UBE2Q1: variants seen among roughly 807,000 people sequenced by gnomAD.
The protein encoded by UBE2Q1 is ubiquitin-conjugating enzyme E2 Q1.
Under a neutral mutation model 60.1 loss-of-function variants are expected in UBE2Q1, and 6 were observed. The ratio of observed to expected loss-of-function variants is 0.10; its 90% CI spans 0.05 to 0.20. UBE2Q1 has a LOEUF of 0.20. UBE2Q1 is among the 10% of genes least tolerant of loss of function. The probability of loss-of-function intolerance (pLI) is 1.00; values close to 1 mark genes in which losing one functional copy is unlikely to be tolerated. For synonymous variants in UBE2Q1, 226 were observed against 208.3 expected (o/e 1.09, Z -0.73); for missense variants, 262 against 525.8 (o/e 0.50, Z 4.91).
Position 154,558,598 on chromosome 1 carries a change from G to A in UBE2Q1, c.-45C>T. ...CGGGGCCGGCGGGCCGGGAGCCTCCGGCCTGCGCTCCGGGCTCCGCCGCCG... is the reference window on the plus strand; with the variant it reads ...CGGGGCCGGCGGGCCGGGAGCCTCCAGCCTGCGCTCCGGGCTCCGCCGCCG... On this transcript the variant is annotated 5_prime_UTR_variant, in exon 1 of 13. Transcript: ENST00000292211. 13 of 1,007,018 alleles carry A rather than the reference G, an allele frequency of 1.3e-5. No individual in the cohort carries two copies. Among genetic ancestry groups the A allele is most frequent in the Non-Finnish European group, 1.5e-5 (13 of 851,694 alleles). 62.4% of individuals were successfully genotyped at this position (1,007,018 alleles called of 1,614,324 possible).
rs1349645127 is a variant in UBE2Q1 at position 154,549,332 on chromosome 1, C to G, written c.*1106G>C. The G allele has an allele frequency of 6.6e-6, 1 of 152,200 alleles. No individual in the cohort carries two copies. Among genetic ancestry groups the G allele is most frequent in the Non-Finnish European group, 1.5e-5 (1 of 68,044 alleles). The allele number at this position is 152,200 out of a possible 1,614,324, so 9.4% of individuals were successfully genotyped here. On this transcript the variant is annotated 3_prime_UTR_variant, in exon 13 of 13. Transcript: ENST00000292211. Reference sequence around the variant, plus strand: ...GAACAACCCCCCTTAAAATGCTAACCCTTTCTAGTAGGACCCACCTTGTGG... The same window carrying G: ...GAACAACCCCCCTTAAAATGCTAACGCTTTCTAGTAGGACCCACCTTGTGG...
rs372269665 is a variant in UBE2Q1 at position 154,558,299 on chromosome 1, G to T, written c.255C>A (p.Ala85=). Residue 85 remains alanine (A), a synonymous_variant, in exon 1 of 13, where the codon GCC becomes GCA. Transcript: ENST00000292211. ...LAGAGGAGAG[A]APGPHLPPRG... Reference sequence around the variant, plus strand: ...GTGGGGGGAGATGCGGTCCGGGCGCGGCCCCCGCCCCGGCCCCTCCGGCCC... The same window carrying T: ...GTGGGGGGAGATGCGGTCCGGGCGCTGCCCCCGCCCCGGCCCCTCCGGCCC... 1.2e-4 allele frequency: 195 copies of T among 1,583,346 alleles called. No homozygotes were observed. The African/African-American group carries it at 2.4e-3, about 19-fold the overall frequency.
chr1:154,554,546 G>A (rs1695849709), intron 4 of UBE2Q1, 189 bp downstream of exon 4: 1 of 572,744 alleles, frequency 1.7e-6, no homozygotes, highest in Non-Finnish European at 3.1e-6. Flanking sequence ...CGCTGCACCT[G>A]TCTTCAGTGG....
chr1:154,553,587 CG>C (rs1385848745), intron 4 of UBE2Q1: 1 of 163,890 alleles, frequency 6.1e-6, no homozygotes, highest in East Asian at 1.7e-4. Flanking sequence ...CTATTGCACC[CG>C]GGAGTTCTCA....
At chr1:154,555,361 A>T in intron 3 of UBE2Q1, 67 bp downstream of exon 3, 7 of 1,353,280 alleles carry the variant, frequency 5.2e-6, no homozygotes, top group Non-Finnish European at 7.4e-6. Context: ...GATTTGTCTC[A>T]ATTATTTACT....
rs1695760467 is a variant in UBE2Q1 at position 154,549,735 on chromosome 1, T to C, written c.*703A>G. The C allele has an allele frequency of 6.5e-6, 1 of 152,678 alleles. No individual in the cohort carries two copies. Among genetic ancestry groups the C allele is most frequent in the Non-Finnish European group, 1.5e-5 (1 of 68,058 alleles). 9.5% of individuals were successfully genotyped at this position (152,678 alleles called of 1,614,324 possible). On this transcript the variant is annotated 3_prime_UTR_variant, in exon 13 of 13. Coordinates refer to ENST00000292211, the MANE Select transcript of UBE2Q1 (RefSeq NM_017582.7). ...ACCATCGTTTCAGCCTACCACATTG[T>C]AGTTTGGCAGGCCAGGCTCTGCATT...
In UBE2Q1 at chr1:154,550,120, C is replaced by T. The variant is rs1695769278; in HGVS notation, c.*318G>A. The T allele has an allele frequency of 5.8e-6, 2 of 343,914 alleles. No homozygotes were observed. The highest frequency in any genetic ancestry group is 1.6e-4 in the South Asian group (2 of 12,154). 21.3% of individuals were successfully genotyped at this position (343,914 alleles called of 1,614,324 possible). ...AAAATCCATAGCATAGGTAAGGAGGCTCTAGTCTGGAGCACAGCTGAGTTT... is the reference window on the plus strand; with the variant it reads ...AAAATCCATAGCATAGGTAAGGAGGTTCTAGTCTGGAGCACAGCTGAGTTT... On this transcript the variant is annotated 3_prime_UTR_variant, in exon 13 of 13. Coordinates refer to ENST00000292211, the MANE Select transcript of UBE2Q1 (RefSeq NM_017582.7).
At chr1:154,555,181 G>T (rs972241030) in intron 3 of UBE2Q1, among the ~76,000 whole-genome samples, 3 of 152,072 alleles carry the variant, frequency 2.0e-5, no homozygotes, top group Admixed American at 2.0e-4. Context: ...AAATTCCCCC[G>T]CTCCCTTTCA....
chr1:154,554,491 C>A (rs890906227), intron 4 of UBE2Q1, among the ~76,000 whole-genome samples: 2 of 152,184 alleles, frequency 1.3e-5, no homozygotes, highest in Non-Finnish European at 2.9e-5. Context: ...TTGTTGGACT[C>A]CAAAGCCATT....
intron 10 of UBE2Q1, 127 bp from the exon 11 acceptor site, chr1:154,551,619 C>T: frequency 7.0e-7 from 1 of 1,433,606 alleles, no homozygotes; most frequent in Non-Finnish European, 9.8e-7. Flanking sequence ...GCACTGCCAC[C>T]ACCTGTCTGT....
intron 10 of UBE2Q1, 73 bp from the exon 11 acceptor site, chr1:154,551,565 G>A: frequency 6.5e-7 from 1 of 1,530,178 alleles, no homozygotes; most frequent in Non-Finnish European, 9.0e-7. Flanking sequence ...TGTCCTCTGG[G>A]CAATCAGCTG....
intron 4 of UBE2Q1, chr1:154,554,514 A>G (rs1453616848): frequency 2.4e-6 from 1 of 425,314 alleles, no homozygotes; most frequent in Non-Finnish European, 4.3e-6. Context: ...AAATTAACTT[A>G]CCCAGTATTT....
rs1195007559 is a variant in UBE2Q1 at position 154,549,715 on chromosome 1, C to T, written c.*723G>A. 6.6e-6 allele frequency: 1 copy of T among 152,670 alleles called. No homozygotes were observed. Among genetic ancestry groups the T allele is most frequent in the Non-Finnish European group, 1.5e-5 (1 of 68,050 alleles). The allele number at this position is 152,670 out of a possible 1,614,324, so 9.5% of individuals were successfully genotyped here. Reference sequence around the variant, plus strand: ...AAGTAGTCCTAAGAATTAACACCATCGTTTCAGCCTACCACATTGTAGTTT... The same window carrying T: ...AAGTAGTCCTAAGAATTAACACCATTGTTTCAGCCTACCACATTGTAGTTT... On this transcript the variant is annotated 3_prime_UTR_variant, in exon 13 of 13. Coordinates refer to ENST00000292211, the MANE Select transcript of UBE2Q1 (RefSeq NM_017582.7).
intron 1 of UBE2Q1, among the ~76,000 whole-genome samples, chr1:154,557,357 T>C (rs910151723): frequency 6.6e-6 from 1 of 152,232 alleles, no homozygotes; most frequent in African/African-American, 2.4e-5. Flanking sequence ...TAGCATGCAG[T>C]ACCAGACATT....
Position 154,550,999 on chromosome 1 carries a change from T to C in UBE2Q1, c.1176A>G (p.Gln392=), listed in dbSNP as rs538830096. The C allele has an allele frequency of 5.0e-6, 8 of 1,614,080 alleles. No individual in the cohort carries two copies. The South Asian group carries it at 5.5e-5, about 11-fold the overall frequency. The change falls in exon 12 of 13, where the codon CAA becomes CAG. Residue 392 remains glutamine, a synonymous_variant. Transcript: ENST00000292211. The stretch of plus-strand genomic sequence containing the variant: ...ACTGCTGTGCTCTTGTCAGACTGTA[T>C]TGAGACTGGGGAGAGGAAGCCACCA... ...ARVQFGANKS[Q]YSLTRAQQSY... is the part of the protein sequence containing the mutation.
At chr1:154,555,596 A>C in intron 2 of UBE2Q1, 64 bp from the exon 3 acceptor site, 1 of 1,487,750 alleles carries the variant, frequency 6.7e-7, no homozygotes, top group South Asian at 1.1e-5. Flanking sequence ...AAGTGCATGG[A>C]TGAGCTCTTA....
At chr1:154,556,197 C>T (rs1435614549) in intron 1 of UBE2Q1, among the ~76,000 whole-genome samples, 1 of 151,812 alleles carries the variant, frequency 6.6e-6, no homozygotes, top group Non-Finnish European at 1.5e-5. Context: ...CAGACTGAAA[C>T]CTTTTCTTTC....
At position 154,550,369 on chromosome 1, in the gene UBE2Q1, C is replaced by T; in HGVS notation, c.*69G>A. The T allele has an allele frequency of 6.2e-7, 1 of 1,604,058 alleles. No individual in the cohort carries two copies. Among genetic ancestry groups the T allele is most frequent in the Non-Finnish European group, 8.5e-7 (1 of 1,172,060 alleles). Reference sequence around the variant, plus strand: ...GGGAACCACAGAGGCAGCGTGAGATCCAAATACAGCATTCAAAGGTAATTG... The same window carrying T: ...GGGAACCACAGAGGCAGCGTGAGATTCAAATACAGCATTCAAAGGTAATTG... On this transcript the variant is annotated 3_prime_UTR_variant, in exon 13 of 13. Transcript: ENST00000292211.
In UBE2Q1 at chr1:154,549,439, G is replaced by GC. The variant is rs1358358573; in HGVS notation, c.*998dup. The GC allele has an allele frequency of 1.3e-5, 2 of 152,428 alleles. No homozygotes were observed. The highest frequency in any genetic ancestry group is 1.5e-5 in the Non-Finnish European group (1 of 68,064). 9.4% of individuals were successfully genotyped at this position (152,428 alleles called of 1,614,324 possible). ...GTTCTTTTTGATAAAGCCAAATGAA[G>GC]CAAGAGAGAGGGAGGTGAGCAAAGC... On this transcript the variant is annotated 3_prime_UTR_variant, in exon 13 of 13. Coordinates refer to ENST00000292211, the MANE Select transcript of UBE2Q1 (RefSeq NM_017582.7).
Sources: gnomAD v4.1 joint callset for allele counts (sites outside exome capture counted in the v4.1 genomes callset) on GRCh38, gnomAD v4.1.1 for gene constraint, MANE v1.5 for transcripts, NCBI Gene and HGNC (gene_info 2026-07-23, HGNC 2026-07-21) for gene names.